NACC2: variants seen among roughly 807,000 people sequenced by gnomAD.
NACC2 encodes the protein NACC family member 2.
Under a neutral mutation model 25.1 loss-of-function variants are expected in NACC2, and 8 were observed. The ratio of observed to expected loss-of-function variants is 0.32; its 90% CI spans 0.19 to 0.57. The LOEUF is 0.57. Ranked by LOEUF, NACC2 falls within the 20% of genes least tolerant of loss-of-function variation. The pLI, the probability that NACC2 is intolerant of heterozygous loss-of-function variation, is 0.89. For missense variants in NACC2, 644 were observed against 650.2 expected (o/e 0.99, Z 0.10); for synonymous variants, 435 against 294.7 (o/e 1.48, Z -4.88).
intron 2 of NACC2, among the ~76,000 whole-genome samples, chr9:136,044,910 A>G (rs949562872): frequency 1.3e-5 from 2 of 152,288 alleles, no homozygotes; most frequent in Non-Finnish European, 2.9e-5. Flanking sequence ...CTGGGTGTTC[A>G]GCCGGGGGAT....
intron 1 of NACC2, among the ~76,000 whole-genome samples, chr9:136,085,065 G>A (rs916274913): frequency 1.4e-5 from 2 of 146,476 alleles, no homozygotes; most frequent in African/African-American, 5.0e-5. Context: ...TAAATTTTAT[G>A]TATAATTAAT....
chr9:136,023,084 AG>A (rs1840320002), intron 2 of NACC2, among the ~76,000 whole-genome samples: 1 of 594 alleles, frequency 1.7e-3, no homozygotes, highest in Non-Finnish European at 3.9e-3. Flanking sequence ...GGGAGGAGGG[AG>A]GGAAGGAGGG....
chr9:136,084,220 G>A lies in NACC2; in HGVS notation c.-60+10969C>T, dbSNP rs991492281. 2.0e-5 allele frequency among the ~76,000 whole-genome samples: 3 copies of A among 151,992 alleles called. No homozygotes were observed. The highest frequency in any genetic ancestry group is 1.3e-4 in the Admixed American group (2 of 15,254). Reference sequence around the variant, plus strand: ...CCACTCACCAACCTGCAGCCTCCCCGCTCCCAGGTCAAAGACCTCCACACC... The same window carrying A: ...CCACTCACCAACCTGCAGCCTCCCCACTCCCAGGTCAAAGACCTCCACACC... On this transcript the variant is annotated intron_variant, in intron 1 of 5. Coordinates refer to ENST00000277554, the MANE Select transcript of NACC2 (RefSeq NM_144653.5). This position sits in a 1 kb window ranked among gnomAD's most constrained non-coding sequence, Gnocchi z 5.1.
In NACC2 at chr9:136,022,605, C is replaced by G. The variant is rs1447027963; in HGVS notation, c.887-6176G>C. Among the ~76,000 whole-genome samples the G allele has an allele frequency of 6.6e-6, 1 of 152,196 alleles. No individual in the cohort carries two copies. The highest frequency in any genetic ancestry group is 1.5e-5 in the Non-Finnish European group (1 of 68,032). Reference sequence around the variant, plus strand: ...CTGCCTCCTGGCCAGTGAGCCTGTTCTGGGTCCAGTGCTTCTGGCAGTGAG... The same window carrying G: ...CTGCCTCCTGGCCAGTGAGCCTGTTGTGGGTCCAGTGCTTCTGGCAGTGAG... On this transcript the variant is annotated intron_variant, in intron 2 of 5. Transcript: ENST00000277554. The surrounding 1 kb of genome is among the most constrained non-coding windows in gnomAD (Gnocchi z 4.4).
At chr9:136,089,318 G>A (rs563129577) in intron 1 of NACC2, among the ~76,000 whole-genome samples, 25 of 152,240 alleles carry the variant, frequency 1.6e-4, no homozygotes, top group African/African-American at 4.8e-4. Context: ...AGGTCCCCAC[G>A]GCCCTAGGAG....
chr9:136,071,004 C>T (rs370548537), intron 1 of NACC2, among the ~76,000 whole-genome samples: 1 of 151,430 alleles, frequency 6.6e-6, no homozygotes, highest in East Asian at 1.9e-4. Context: ...CTGAGGTAGG[C>T]GGATCTCTTG....
chr9:136,048,615 G>A (rs905072999), intron 2 of NACC2, among the ~76,000 whole-genome samples: 2 of 152,250 alleles, frequency 1.3e-5, no homozygotes, highest in Admixed American at 6.5e-5. Context: ...CAGAGCACCT[G>A]CTGGCAAGGC....
chr9:136,028,051 G>A (rs1416510859), intron 2 of NACC2, among the ~76,000 whole-genome samples: 1 of 152,090 alleles, frequency 6.6e-6, no homozygotes, highest in East Asian at 1.9e-4. Context: ...CTTGAGGTCA[G>A]AAGTTCGAGA....
At chr9:136,075,463 G>A (rs1564240389) in intron 1 of NACC2, among the ~76,000 whole-genome samples, 1 of 152,248 alleles carries the variant, frequency 6.6e-6, no homozygotes, top group South Asian at 2.1e-4. Context: ...CGTAGACGTC[G>A]GCAGCGGCTC....
At chr9:136,034,980 G>A (rs1840530865) in intron 2 of NACC2, among the ~76,000 whole-genome samples, 1 of 152,160 alleles carries the variant, frequency 6.6e-6, no homozygotes, top group Admixed American at 6.5e-5. Flanking sequence ...TGTAATCCCA[G>A]GTACTTGGGA....
At chr9:136,024,552 AGTGTGTGTAAGGACAGAGT>A (rs1474369623) in intron 2 of NACC2, among the ~76,000 whole-genome samples, 68 of 141,382 alleles carry the variant, frequency 4.8e-4, no homozygotes, top group Non-Finnish European at 6.9e-4. Context: ...GTGTGAGGAC[AGTGTGTGTAAGGACAGAGT>A]GTGTGTGTAA....
chr9:136,057,172 T>TGACTGAGCCGAGCCCTGCGC (rs1469418615), intron 1 of NACC2, among the ~76,000 whole-genome samples: 2 of 152,332 alleles, frequency 1.3e-5, no homozygotes, highest in East Asian at 3.9e-4. Flanking sequence ...GGGGCCTGTG[T>TGACTGAGCCGAGCCCTGCGC]GACTGAGCCG....
chr9:136,048,407 A>C (rs1345518962), intron 2 of NACC2, among the ~76,000 whole-genome samples: 1 of 152,236 alleles, frequency 6.6e-6, no homozygotes, highest in Non-Finnish European at 1.5e-5. Flanking sequence ...CTCTGCCCTC[A>C]GGAAGGGCCA....
intron 1 of NACC2, among the ~76,000 whole-genome samples, chr9:136,051,612 G>A (rs1346780070): frequency 6.6e-6 from 1 of 152,148 alleles, no homozygotes; most frequent in African/African-American, 2.4e-5. Flanking sequence ...CCGCAGAGGC[G>A]CCGGGTGGCG....
chr9:136,038,891 T>TA (rs1478001211), intron 2 of NACC2, among the ~76,000 whole-genome samples: 1 of 152,052 alleles, frequency 6.6e-6, no homozygotes, highest in African/African-American at 2.4e-5. Context: ...ATCGTGGAGC[T>TA]AAAAACGATC....
intron 1 of NACC2, among the ~76,000 whole-genome samples, chr9:136,051,875 CAAGGAGGAGGAGGAGGAGGAG>C (rs1217891220): frequency 9.5e-6 from 1 of 105,220 alleles, no homozygotes; most frequent in Non-Finnish European, 1.7e-5. Context: ...AGGGAGCCGG[CAAGGAGGAGGAGGAGGAGGAG>C]GAGGAGGAGG....
In NACC2 at chr9:136,011,847, G is replaced by A. The variant is rs1840115564; in HGVS notation, c.1433C>T (p.Pro478Leu). The A allele has an allele frequency of 3.8e-6, 6 of 1,564,646 alleles. No individual in the cohort carries two copies. Among genetic ancestry groups the A allele is most frequent in the Non-Finnish European group, 5.2e-6 (6 of 1,158,206 alleles). Residue 478 changes from proline (P) to leucine (L), a missense_variant, in exon 6 of 6, where the codon CCC becomes CTC. Physicochemically the swap from Pro to Leu is moderately conservative, Grantham distance 98. Coordinates refer to ENST00000277554, the MANE Select transcript of NACC2 (RefSeq NM_144653.5). ...GGCAGGCGGGAACTCGGGGTCGAGG[G>A]GCACGCTGGCGGCGGCGGAGCCCAT... ...TVMGSAAASV[P>L]LDPEFPPAAA...
chr9:136,090,794 G>C (rs954207973), intron 1 of NACC2, among the ~76,000 whole-genome samples: 3 of 152,142 alleles, frequency 2.0e-5, no homozygotes, highest in Admixed American at 2.0e-4. Flanking sequence ...GCCCAGGGCC[G>C]GGCTGCCCTC....
At chr9:136,060,890 C>A (rs1841000747) in intron 1 of NACC2, among the ~76,000 whole-genome samples, 1 of 152,198 alleles carries the variant, frequency 6.6e-6, no homozygotes, top group African/African-American at 2.4e-5. Context: ...ATCCAGGAAG[C>A]CCCCCAACAC....
Sources: gnomAD v4.1 joint callset for allele counts (sites outside exome capture counted in the v4.1 genomes callset) on GRCh38, gnomAD v4.1.1 for gene constraint, Gnocchi (gnomAD v3.1) non-coding constraint, MANE v1.5 for transcripts, NCBI Gene and HGNC (gene_info 2026-07-23, HGNC 2026-07-21) for gene names.